Variants in CPPED1 observed in about 807,000 individuals in gnomAD.
The protein encoded by CPPED1 is serine/threonine-protein phosphatase CPPED1.
A neutral mutation model predicts 28.0 loss-of-function variants in CPPED1; 28 were observed. That is an observed-to-expected ratio of 1.00 (90% CI 0.74 to 1.37). The LOEUF is 1.37. Ranked by LOEUF, CPPED1 falls within the 40% of genes most tolerant of loss-of-function variation. CPPED1 has a pLI of 0.00. For missense variants in CPPED1, 504 were observed against 416.5 expected (o/e 1.21, Z -1.83); for synonymous variants, 198 against 180.2 (o/e 1.10, Z -0.79).
chr16:12,739,729 A>C (rs1177217142), intron 2 of CPPED1, among the ~76,000 whole-genome samples: 3 of 152,158 alleles, frequency 2.0e-5, no homozygotes, highest in Non-Finnish European at 4.4e-5. Context: ...CATGGTTCGC[A>C]GCCTCCTCTC....
intron 1 of CPPED1, among the ~76,000 whole-genome samples, chr16:12,803,304 C>A (rs569762071): frequency 6.6e-6 from 1 of 152,334 alleles, no homozygotes; most frequent in East Asian, 1.9e-4. Flanking sequence ...CACCCTCTAA[C>A]ATGCACCGAA....
At chr16:12,797,984 G>A (rs951439679) in intron 1 of CPPED1, among the ~76,000 whole-genome samples, 1 of 152,208 alleles carries the variant, frequency 6.6e-6, no homozygotes, top group Non-Finnish European at 1.5e-5. Context: ...TCAGGAGGCT[G>A]AGGTGGGAGG....
intron 3 of CPPED1, among the ~76,000 whole-genome samples, chr16:12,672,561 G>C (rs547539537): frequency 6.6e-6 from 1 of 152,202 alleles, no homozygotes; most frequent in African/African-American, 2.4e-5. Flanking sequence ...GAAGGTTTGT[G>C]TGCATATACA....
intron 2 of CPPED1, among the ~76,000 whole-genome samples, chr16:12,762,382 C>A (rs908289572): frequency 1.3e-5 from 2 of 152,294 alleles, no homozygotes; most frequent in South Asian, 2.1e-4. Context: ...CTAATTTCCA[C>A]TTTCCTTAAT....
intron 2 of CPPED1, among the ~76,000 whole-genome samples, chr16:12,773,822 G>A (rs760863259): frequency 2.6e-5 from 4 of 152,202 alleles, no homozygotes; most frequent in Non-Finnish European, 4.4e-5. Flanking sequence ...TGGCATCACC[G>A]CGATTCCTGA....
intron 2 of CPPED1, among the ~76,000 whole-genome samples, chr16:12,722,510 AGCGGATC>A (rs914238392): frequency 3.3e-4 from 50 of 152,180 alleles, no homozygotes; most frequent in African/African-American, 1.1e-3. Context: ...GGCCAAGGAA[AGCGGATC>A]GCTGGAGCCC....
intron 2 of CPPED1, among the ~76,000 whole-genome samples, chr16:12,774,465 CA>C (rs113635812): frequency 1.4e-3 from 200 of 137,956 alleles, no homozygotes; most frequent in Middle Eastern, 7.5e-3. Flanking sequence ...GAGACTGTCT[CA>C]AAAAAAAAAA....
intron 2 of CPPED1, among the ~76,000 whole-genome samples, chr16:12,748,923 A>G (rs1368654075): frequency 2.0e-5 from 3 of 151,886 alleles, no homozygotes; most frequent in African/African-American, 7.3e-5. Flanking sequence ...TGTCTAAAAA[A>G]AATACATACC....
chr16:12,784,482 C>G (rs2080551016), intron 1 of CPPED1, among the ~76,000 whole-genome samples: 2 of 150,280 alleles, frequency 1.3e-5, no homozygotes, highest in South Asian at 4.2e-4. Flanking sequence ...CAGATCCCTA[C>G]AAATGAGGCA....
chr16:12,791,673 A>C (rs980029776), intron 1 of CPPED1, among the ~76,000 whole-genome samples: 4 of 151,750 alleles, frequency 2.6e-5, no homozygotes, highest in Admixed American at 1.3e-4. Context: ...AGCTCTCCCT[A>C]CTCCAGTCCA....
intron 1 of CPPED1, among the ~76,000 whole-genome samples, chr16:12,782,985 T>G (rs1285716538): frequency 6.6e-6 from 1 of 152,180 alleles, no homozygotes; most frequent in African/African-American, 2.4e-5. Context: ...TCAGTTCACG[T>G]CCATGTGTTT....
At position 12,682,328 on chromosome 16, in the gene CPPED1, G is replaced by A. The variant is rs570413899; in HGVS notation, c.716-17213C>T. On this transcript the variant is annotated intron_variant, in intron 3 of 3. Coordinates refer to ENST00000381774, the MANE Select transcript of CPPED1 (RefSeq NM_018340.3). This position sits in a 1 kb window ranked among gnomAD's most constrained non-coding sequence, Gnocchi z 6.1. ...TGAGATTACAGACACGAGCCACCGC[G>A]CCCAGCCCCTTTATTACTTTTCTAC... Among the ~76,000 whole-genome samples the A allele has an allele frequency of 8.3e-4, 126 of 152,212 alleles. No individual in the cohort carries two copies. The highest frequency in any genetic ancestry group is 2.9e-3 in the African/African-American group (120 of 41,526).
At chr16:12,705,363 CTGT>C (rs2080044409) in intron 2 of CPPED1, among the ~76,000 whole-genome samples, 1 of 152,164 alleles carries the variant, frequency 6.6e-6, no homozygotes, top group Non-Finnish European at 1.5e-5. Flanking sequence ...TGGCTCACAC[CTGT>C]AATACCAACA....
At position 12,663,504 on chromosome 16, in the gene CPPED1, T is replaced by C. The variant is rs1211265972; in HGVS notation, c.*1382A>G. Reference sequence around the variant, plus strand: ...GAGCGTTCTAGTTTTTTAAAAAATTTAATTTTCTTGTGGCACATAACAATG... The same window carrying C: ...GAGCGTTCTAGTTTTTTAAAAAATTCAATTTTCTTGTGGCACATAACAATG... On this transcript the variant is annotated 3_prime_UTR_variant, in exon 4 of 4. Coordinates refer to ENST00000381774, the MANE Select transcript of CPPED1 (RefSeq NM_018340.3). 2.0e-5 allele frequency: 3 copies of C among 152,196 alleles called. No homozygotes were observed. Among genetic ancestry groups the C allele is most frequent in the African/African-American group, 7.2e-5 (3 of 41,446 alleles). 9.4% of individuals were successfully genotyped at this position (152,196 alleles called of 1,614,324 possible). A position where few individuals can be genotyped will look rare whatever the true frequency, so the allele number is the denominator to read the frequency against.
chr16:12,705,959 G>A (rs931836075), intron 2 of CPPED1, among the ~76,000 whole-genome samples: 19 of 152,052 alleles, frequency 1.2e-4, no homozygotes, highest in African/African-American at 4.3e-4. Flanking sequence ...TTAAGTTGTC[G>A]CTGTAACTGT....
chr16:12,703,543 G>C lies in CPPED1; in HGVS notation c.715+1081C>G, dbSNP rs552396559. On this transcript the variant is annotated intron_variant, in intron 3 of 3. Transcript: ENST00000381774. ...CTAAAAGTACAAAAATTAGCCAGGCGTGGTGGTCAGCGTTTGTAATCCCAG... is the reference window on the plus strand; with the variant it reads ...CTAAAAGTACAAAAATTAGCCAGGCCTGGTGGTCAGCGTTTGTAATCCCAG... Among the ~76,000 whole-genome samples the C allele has an allele frequency of 1.6e-4, 24 of 152,244 alleles. No individual in the cohort carries two copies. The South Asian group carries it at 4.8e-3, about 30-fold the overall frequency.
intron 2 of CPPED1, among the ~76,000 whole-genome samples, chr16:12,718,847 C>CAGCTATTTG (rs1233333543): frequency 5.9e-5 from 9 of 152,124 alleles, no homozygotes; most frequent in African/African-American, 2.2e-4. Context: ...CCAATAATAG[C>CAGCTATTTG]AGCTATTTGG....
rs1020195581 is a variant in CPPED1, at chr16:12,682,099, T to C, written c.716-16984A>G. Reference sequence around the variant, plus strand: ...CCTATGTTGGAGTGCAGTGGCGCGATCTTGGCTCACTGCAACTTGCGTATC... The same window carrying C: ...CCTATGTTGGAGTGCAGTGGCGCGACCTTGGCTCACTGCAACTTGCGTATC... On this transcript the variant is annotated intron_variant, in intron 3 of 3. Coordinates refer to ENST00000381774, the MANE Select transcript of CPPED1 (RefSeq NM_018340.3). The surrounding 1 kb of genome is among the most constrained non-coding windows in gnomAD (Gnocchi z 6.1). Among the ~76,000 whole-genome samples, 1 of 152,120 alleles carries C rather than the reference T, an allele frequency of 6.6e-6. No individual in the cohort carries two copies. Among genetic ancestry groups the C allele is most frequent in the African/African-American group, 2.4e-5 (1 of 41,424 alleles).
At chr16:12,702,996 G>T (rs1433678247) in intron 3 of CPPED1, among the ~76,000 whole-genome samples, 1 of 141,200 alleles carries the variant, frequency 7.1e-6, no homozygotes, top group Non-Finnish European at 1.5e-5. Flanking sequence ...TGGGTGACAA[G>T]AGCGGGACTC....
Sources: allele counts gnomAD v4.1 joint callset (sites outside exome capture counted in the v4.1 genomes callset), GRCh38; gene constraint gnomAD v4.1.1; non-coding constraint Gnocchi (gnomAD v3.1); transcripts MANE v1.5; gene names NCBI Gene and HGNC (gene_info 2026-07-23, HGNC 2026-07-21).